HYDIN: variants seen among roughly 807,000 people sequenced by gnomAD.
The protein encoded by HYDIN is axonemal central pair apparatus protein HYDIN.
A neutral mutation model predicts 403.9 loss-of-function variants in HYDIN; 132 were observed. The ratio of observed to expected loss-of-function variants is 0.33; its 90% CI spans 0.28 to 0.38. The LOEUF is 0.38. Ranked by LOEUF, HYDIN falls within the 10% of genes least tolerant of loss-of-function variation. HYDIN has a pLI of 1.00. For missense variants in HYDIN, 2,827 were observed against 5,009.5 expected, an observed-to-expected ratio of 0.56 and a Z score of 13.15; for synonymous variants, 1,202 against 1,891.7, an observed-to-expected ratio of 0.64 and a Z score of 9.46.
At chr16:71,220,031 T>G (rs1436038358) in intron 1 of HYDIN, among the ~76,000 whole-genome samples, 1 of 152,160 alleles carries the variant, frequency 6.6e-6, no homozygotes, top group Non-Finnish European at 1.5e-5. Flanking sequence ...ACCTTTGTGG[T>G]CCAGGTCCTA....
At position 70,862,115 on chromosome 16, in the gene HYDIN, T is replaced by A. The variant is rs779484245; in HGVS notation, c.11710A>T (p.Ile3904Phe). The change falls in exon 69 of 86, where the codon ATT becomes TTT. Residue 3904 changes from isoleucine to phenylalanine, a missense_variant. Transcript: ENST00000393567. ...PSSGIVPVGK[I>F]QKFKVKFSPL... ...GAGAATTTTACTTTGAACTTCTGAA[T>A]CTTCCCCACCGGCACGATTCCCGAA... 6.2e-7 allele frequency: 1 copy of A among 1,612,466 alleles called. No homozygotes were observed. The highest frequency in any genetic ancestry group is 1.3e-5 in the African/African-American group (1 of 75,040).
chr16:70,864,560 G>C (rs1029162924), intron 67 of HYDIN, among the ~76,000 whole-genome samples: 6 of 123,592 alleles, frequency 4.9e-5, no homozygotes, highest in Non-Finnish European at 9.9e-5. Context: ...TAGGTCTACA[G>C]TGGGACGTAG....
chr16:70,987,271 C>G (rs2079219762), intron 27 of HYDIN, among the ~76,000 whole-genome samples: 1 of 152,196 alleles, frequency 6.6e-6, no homozygotes, highest in Admixed American at 6.6e-5. Context: ...AATACGAAAC[C>G]ACGCTCTTTG....
At chr16:70,843,608 G>A (rs1480722917) in intron 75 of HYDIN, among the ~76,000 whole-genome samples, 1 of 138,276 alleles carries the variant, frequency 7.2e-6, no homozygotes, top group Admixed American at 7.1e-5. Context: ...GGTCCCTGAG[G>A]AATCGCCACA....
intron 18 of HYDIN, among the ~76,000 whole-genome samples, chr16:71,056,802 G>T (rs1001132851): frequency 2.0e-5 from 3 of 150,712 alleles, no homozygotes; most frequent in African/African-American, 4.9e-5. Flanking sequence ...AGTAATTCCT[G>T]TAAGAATGCA....
At chr16:70,923,774 T>A (rs1193344382) in intron 45 of HYDIN, among the ~76,000 whole-genome samples, 2 of 143,876 alleles carry the variant, frequency 1.4e-5, no homozygotes, top group Admixed American at 1.4e-4. Flanking sequence ...TGAGCCGAGA[T>A]CATGCCACTG....
At chr16:70,831,529 C>CAAAAAAAAAAAAAACA (rs2036993090) in intron 80 of HYDIN, among the ~76,000 whole-genome samples, 12 of 91,470 alleles carry the variant, frequency 1.3e-4, no homozygotes, top group South Asian at 3.8e-4. Flanking sequence ...AAAAAAAAAC[C>CAAAAAAAAAAAAAACA]AAAAAAAAAA....
At chr16:70,895,885 G>A in intron 54 of HYDIN, 96 bp downstream of exon 54, 3 of 1,452,370 alleles carry the variant, frequency 2.1e-6, no homozygotes, top group Non-Finnish European at 2.7e-6. Flanking sequence ...CCCAATCCCT[G>A]CAATACTAAC....
intron 71 of HYDIN, among the ~76,000 whole-genome samples, chr16:70,858,944 G>A (rs2039209112): frequency 6.7e-6 from 1 of 149,736 alleles, no homozygotes; most frequent in East Asian, 2.0e-4. Flanking sequence ...TTTGGTTTGG[G>A]AATTGTTAAA....
At chr16:71,012,659 A>G (rs2080127238) in intron 23 of HYDIN, among the ~76,000 whole-genome samples, 1 of 152,234 alleles carries the variant, frequency 6.6e-6, no homozygotes. Context: ...CCTATCTAAT[A>G]AAAGAAAAAG....
rs2087367551 is a variant in HYDIN, at chr16:71,190,283, T to G, written c.-23-3365A>C. Among the ~76,000 whole-genome samples the G allele has an allele frequency of 2.6e-5, 4 of 151,740 alleles. No individual in the cohort carries two copies. In the South Asian group the frequency reaches 8.3e-4, roughly 32 times the overall value. On this transcript the variant is annotated intron_variant, in intron 1 of 85. Coordinates refer to ENST00000393567, the MANE Select transcript of HYDIN (RefSeq NM_001270974.2). ...AGAACGTTATCAAGAGCTACCAGGGTTGTCAGGGATCCAGAGCAACTTGAA... is the reference window on the plus strand; with the variant it reads ...AGAACGTTATCAAGAGCTACCAGGGGTGTCAGGGATCCAGAGCAACTTGAA...
At chr16:71,207,705 T>G (rs902167943) in intron 1 of HYDIN, among the ~76,000 whole-genome samples, 2 of 151,956 alleles carry the variant, frequency 1.3e-5, no homozygotes, top group African/African-American at 4.8e-5. Context: ...ACCCATAGGC[T>G]TGAAGTAAAG....
intron 18 of HYDIN, among the ~76,000 whole-genome samples, chr16:71,056,570 G>A (rs1470219809): frequency 1.3e-5 from 2 of 152,024 alleles, no homozygotes; most frequent in African/African-American, 4.8e-5. Flanking sequence ...TCTAATCACA[G>A]TGGTGCTGTG....
intron 39 of HYDIN, among the ~76,000 whole-genome samples, chr16:70,958,609 G>A (rs1329581397): frequency 2.6e-5 from 4 of 152,154 alleles, no homozygotes; most frequent in Admixed American, 1.3e-4. Context: ...TACTTGCCTC[G>A]TTTGATTTCT....
Position 70,857,876 on chromosome 16 carries a change from A to C in HYDIN, c.12130-6T>G, listed in dbSNP as rs1446287699. 1.2e-6 allele frequency: 2 copies of C among 1,613,392 alleles called. No homozygotes were observed. The highest frequency in any genetic ancestry group is 1.7e-6 in the Non-Finnish European group (2 of 1,179,780). On this transcript the variant is annotated splice_region_variant and splice_polypyrimidine_tract_variant and intron_variant, in intron 71 of 85. Coordinates refer to ENST00000393567, the MANE Select transcript of HYDIN (RefSeq NM_001270974.2). The stretch of plus-strand genomic sequence containing the variant: ...GGTGTGAACTGGAACACGATCTAAC[A>C]AGACAATTTGGAACAGAGTGGTAAA...
At chr16:71,216,015 TGCTGGTCGG>T (rs2144744831) in intron 1 of HYDIN, among the ~76,000 whole-genome samples, 1 of 152,276 alleles carries the variant, frequency 6.6e-6, no homozygotes, top group East Asian at 1.9e-4. Flanking sequence ...GCCAAGCACT[TGCTGGTCGG>T]GCTGTAACTA....
intron 47 of HYDIN, 105 bp from the exon 48 acceptor site, chr16:70,908,966 G>A: frequency 1.5e-6 from 2 of 1,352,778 alleles, no homozygotes; most frequent in East Asian, 2.4e-5. Context: ...GGTGCTGCAG[G>A]GTCAGGAAGG....
intron 18 of HYDIN, among the ~76,000 whole-genome samples, chr16:71,058,264 T>TA (rs2081965472): frequency 1.1e-5 from 1 of 89,810 alleles, no homozygotes; most frequent in Non-Finnish European, 2.2e-5. Context: ...TATGCAGCCA[T>TA]AAAAAATGAT....
chr16:70,858,689 T>C (rs1169245130), intron 71 of HYDIN, among the ~76,000 whole-genome samples: 1 of 151,882 alleles, frequency 6.6e-6, no homozygotes, highest in Non-Finnish European at 1.5e-5. Context: ...TGGAGGTGTG[T>C]CACCTCAATG....
Sources: allele counts gnomAD v4.1 joint callset (sites outside exome capture counted in the v4.1 genomes callset), GRCh38; gene constraint gnomAD v4.1.1; transcripts MANE v1.5; gene names NCBI Gene and HGNC (gene_info 2026-07-23, HGNC 2026-07-21).